The following PTPRS variants were observed in gnomAD, a reference collection of about 807,000 sequenced individuals.
The protein encoded by PTPRS is protein tyrosine phosphatase receptor type S.
PTPRS carries 63 observed loss-of-function variants against 215.3 expected under a neutral mutation model. That is an observed-to-expected ratio of 0.29 (90% CI 0.24 to 0.36). The LOEUF (loss-of-function observed/expected upper bound fraction) is 0.36. Ranked by LOEUF, PTPRS falls within the 10% of genes least tolerant of loss-of-function variation. PTPRS has a pLI of 1.00. For synonymous variants in PTPRS, 1,404 were observed against 1,191.4 expected (o/e 1.18, Z -3.68); for missense variants, 2,258 against 2,825.8 (o/e 0.80, Z 4.56).
chr19:5,224,162 G>A (rs993089372), intron 17 of PTPRS, among the ~76,000 whole-genome samples: 1 of 124,170 alleles, frequency 8.1e-6, no homozygotes. Context: ...CCGGGCAACA[G>A]AGCAAGACTC....
At chr19:5,225,656 C>A (rs1266155318) in intron 17 of PTPRS, 71 bp downstream of exon 17, 2 of 1,326,328 alleles carry the variant, frequency 1.5e-6, no homozygotes, top group Non-Finnish European at 1.1e-6. Context: ...CTCAAGGACT[C>A]TGGAGTCACG....
At chr19:5,255,923 A>G (rs949676250) in intron 9 of PTPRS, among the ~76,000 whole-genome samples, 185 bp downstream of exon 9, 2 of 151,902 alleles carry the variant, frequency 1.3e-5, no homozygotes, top group African/African-American at 2.4e-5. Context: ...TTTTTTGTTT[A>G]GTTTGCTTTG....
chr19:5,223,259 CG>C lies in PTPRS; in HGVS notation c.2532del (p.Glu845ArgfsTer77). Reference protein sequence around the residue: ...GRPTLSVQQTPEGSLLARWEP... With the variant: ...GRPTLSVQQTXEGSLLARWEP... ...TCCCAGCGTGCCAGCAGGCTGCCCT[CG>C]GGGGTCTGCTGCACCGACAGGGTTG... On this transcript the variant is annotated frameshift_variant, in exon 18 of 38. Coordinates refer to ENST00000262963, the MANE Select transcript of PTPRS (RefSeq NM_002850.4). LOFTEE classifies it high-confidence loss of function. 1 of 1,477,046 alleles carries C rather than the reference CG, an allele frequency of 6.8e-7. No individual in the cohort carries two copies. Among genetic ancestry groups the C allele is most frequent in the Non-Finnish European group, 8.9e-7 (1 of 1,117,404 alleles). 91.5% of individuals were successfully genotyped at this position (1,477,046 alleles called of 1,614,324 possible).
At chr19:5,264,233 T>C (rs528759434) in intron 5 of PTPRS, among the ~76,000 whole-genome samples, 21 of 152,192 alleles carry the variant, frequency 1.4e-4, no homozygotes, top group Non-Finnish European at 2.6e-4. Context: ...TCACCTTACT[T>C]GTCACCTCTG....
intron 4 of PTPRS, among the ~76,000 whole-genome samples, chr19:5,271,689 C>T (rs764402728): frequency 6.6e-5 from 10 of 151,292 alleles, no homozygotes; most frequent in Admixed American, 2.0e-4. Context: ...TGAGCTACCG[C>T]GCCCAGCCAT....
intron 1 of PTPRS, among the ~76,000 whole-genome samples, chr19:5,309,377 ACTCT>A (rs1270459867): frequency 6.6e-6 from 1 of 152,050 alleles, no homozygotes; most frequent in Admixed American, 6.6e-5. Context: ...TATGCAGGCC[ACTCT>A]CTAAGTGCTT....
In PTPRS at chr19:5,339,869, G is replaced by A. The variant is rs1453774081; in HGVS notation, c.-95+795C>T. Among the ~76,000 whole-genome samples, 1 of 151,486 alleles carries A rather than the reference G, an allele frequency of 6.6e-6. No individual in the cohort carries two copies. Among genetic ancestry groups the A allele is most frequent in the Non-Finnish European group, 1.5e-5 (1 of 67,716 alleles). The stretch of plus-strand genomic sequence containing the variant: ...CCCCACGGGGCCCCCAGCGCGGAGG[G>A]GAGACTGGGGTGCTGGGCGTGCGCG... On this transcript the variant is annotated intron_variant, in intron 1 of 37. Transcript: ENST00000262963. This position sits in a 1 kb window ranked among gnomAD's most constrained non-coding sequence, Gnocchi z 4.2.
chr19:5,322,509 A>G (rs1410592229), intron 1 of PTPRS, among the ~76,000 whole-genome samples: 2 of 151,172 alleles, frequency 1.3e-5, no homozygotes, highest in African/African-American at 4.9e-5. Flanking sequence ...CGACTGGCCG[A>G]CTCCCGGGTT....
chr19:5,262,877 TGTTA>T, intron 6 of PTPRS, 83 bp downstream of exon 6: 3 of 1,372,904 alleles, frequency 2.2e-6, no homozygotes, highest in Non-Finnish European at 3.1e-6. Flanking sequence ...TCACGGTGGC[TGTTA>T]GTTTGGTGAG....
intron 6 of PTPRS, 50 bp from the exon 7 acceptor site, chr19:5,260,872 G>A (rs1436849573): frequency 1.2e-6 from 2 of 1,602,478 alleles, no homozygotes; most frequent in Non-Finnish European, 8.5e-7. Flanking sequence ...GCGGTTGTTG[G>A]GGGGCCGGGG....
intron 37 of PTPRS, among the ~76,000 whole-genome samples, 164 bp from the exon 38 acceptor site, chr19:5,207,006 C>T (rs79888177): frequency 2.2e-3 from 334 of 152,386 alleles, no homozygotes; most frequent in African/African-American, 7.6e-3. Context: ...AGCTATGCCA[C>T]ACCTCTCTGC....
At chr19:5,329,758 C>T (rs558216202) in intron 1 of PTPRS, among the ~76,000 whole-genome samples, 32 of 147,244 alleles carry the variant, frequency 2.2e-4, no homozygotes, top group Non-Finnish European at 4.6e-4. Flanking sequence ...GAGCAACACT[C>T]CATCTCCTAA....
intron 1 of PTPRS, 22 bp downstream of exon 1, chr19:5,340,642 T>TTTTTTTCCTC (rs2051081149): frequency 6.8e-6 from 1 of 148,008 alleles, no homozygotes; most frequent in East Asian, 2.1e-4. Flanking sequence ...ATCCATGATT[T>TTTTTTTCCTC]TATTTTTTTT....
At position 5,210,553 on chromosome 19, in the gene PTPRS, G is replaced by A; in HGVS notation, c.5403C>T (p.Arg1801=). ...TCGGATCTACCACAAAGTACTGGTA[G>A]CGGGCAGAGCGCTCGGCCGGCCAGT... ...HQYWPAERSA[R]YQYFVVDPMA... is the part of the protein sequence containing the mutation. The change falls in exon 35 of 38, where the codon CGC becomes CGT. Residue 1801 remains arginine, a synonymous_variant. Coordinates refer to ENST00000262963, the MANE Select transcript of PTPRS (RefSeq NM_002850.4). This position sits in a 1 kb window ranked among gnomAD's most constrained non-coding sequence, Gnocchi z 4.5. 5.6e-6 allele frequency: 9 copies of A among 1,614,192 alleles called. No individual in the cohort carries two copies. Among genetic ancestry groups the A allele is most frequent in the Non-Finnish European group, 7.6e-6 (9 of 1,180,038 alleles).
intron 4 of PTPRS, among the ~76,000 whole-genome samples, chr19:5,269,878 G>A (rs1204338305): frequency 7.6e-6 from 1 of 132,426 alleles, no homozygotes; most frequent in Non-Finnish European, 1.5e-5. Context: ...CCAAGATCAC[G>A]CCATTGCACT....
chr19:5,214,233 A>T, intron 30 of PTPRS, 128 bp downstream of exon 30: 2 of 1,333,120 alleles, frequency 1.5e-6, no homozygotes, highest in Non-Finnish European at 2.1e-6. Flanking sequence ...GAATGTAGTC[A>T]GCCTGGGTAG....
chr19:5,274,856 C>CG (rs1468916648), intron 2 of PTPRS, among the ~76,000 whole-genome samples: 1 of 152,006 alleles, frequency 6.6e-6, no homozygotes, highest in African/African-American at 2.4e-5. Context: ...AGCATGGGGG[C>CG]GGGGGGTGAC....
At chr19:5,251,778 G>T (rs2045108203) in intron 9 of PTPRS, among the ~76,000 whole-genome samples, 1 of 152,096 alleles carries the variant, frequency 6.6e-6, no homozygotes, top group Admixed American at 6.5e-5. Context: ...TGTGATGAGG[G>T]TGGGATGAGA....
intron 3 of PTPRS, 146 bp downstream of exon 3, chr19:5,274,053 G>T (rs1215537228): frequency 1.5e-5 from 18 of 1,162,908 alleles, no homozygotes; most frequent in Non-Finnish European, 2.0e-5. Flanking sequence ...CAGGGCCCTG[G>T]CTGGAGGCTG....
Sources: allele counts gnomAD v4.1 joint callset (sites outside exome capture counted in the v4.1 genomes callset), GRCh38; gene constraint gnomAD v4.1.1; non-coding constraint Gnocchi (gnomAD v3.1); transcripts MANE v1.5; gene names NCBI Gene and HGNC (gene_info 2026-07-23, HGNC 2026-07-21).